Variants in BEND2 observed in about 807,000 individuals in gnomAD.
BEND2 encodes the protein BEN domain containing 2.
A neutral mutation model predicts 43.8 loss-of-function variants in BEND2; 19 were observed. That is an observed-to-expected ratio of 0.43 (90% CI 0.30 to 0.64). The LOEUF is 0.64. Among genes scored for constraint, BEND2 ranks in the 30% least tolerant of loss-of-function variants. The probability of loss-of-function intolerance (pLI) is 0.11; values close to 1 mark genes in which losing one functional copy is unlikely to be tolerated. For synonymous variants in BEND2, 226 were observed against 210.1 expected, an observed-to-expected ratio of 1.08 and a Z score of -0.66; for missense variants, 544 against 574.0, an observed-to-expected ratio of 0.95 and a Z score of 0.53.
chrX:18,203,632 A>G lies in BEND2; in HGVS notation c.776T>C (p.Met259Thr). The change falls in exon 5 of 14, where the codon ATG becomes ACG. Residue 259 changes from methionine to threonine, a missense_variant. By Grantham distance (81) the Met-to-Thr change is moderately conservative. This residue lies in a region of BEND2 where 501 missense variants were observed against 501.6 expected (regional missense o/e 1.00). Coordinates refer to ENST00000380033, the MANE Select transcript of BEND2 (RefSeq NM_153346.5). ...SFANATTAVP[M>T]AVLSRRESSL... is the part of the protein sequence containing the mutation. The stretch of plus-strand genomic sequence containing the variant: ...GGATTCTCTTCGTGACAGAACTGCC[A>G]TAGGTACTGCTGTAGTAGCATTGGC... 2 of 1,211,680 alleles carry G rather than the reference A, an allele frequency of 1.7e-6. No homozygotes were observed. The highest frequency in any genetic ancestry group is 2.3e-4 in the Middle Eastern group (1 of 4,355).
intron 4 of BEND2, among the ~76,000 whole-genome samples, chrX:18,208,505 AT>A (rs1925410814): frequency 1.8e-5 from 2 of 111,163 alleles, no homozygotes; most frequent in Non-Finnish European, 3.8e-5. Flanking sequence ...TATATAAAAA[AT>A]AAGTAGTCAA....
At chrX:18,177,936 C>A (rs952743518) in intron 9 of BEND2, among the ~76,000 whole-genome samples, 167 bp from the exon 10 acceptor site, 3 of 111,570 alleles carry the variant, frequency 2.7e-5, no homozygotes, top group Admixed American at 9.5e-5. Flanking sequence ...AATTTTTTTT[C>A]TATGCTTATC....
intron 7 of BEND2, among the ~76,000 whole-genome samples, chrX:18,192,848 G>C (rs1257201677): frequency 8.0e-5 from 9 of 111,889 alleles, no homozygotes; most frequent in Non-Finnish European, 1.5e-4. Context: ...GGTTATTAAA[G>C]AGCAAGATGG....
Position 18,186,817 on chromosome X carries a change from G to A in BEND2, c.1288+4184C>T, listed in dbSNP as rs1282195155. On this transcript the variant is annotated intron_variant, in intron 8 of 13. Transcript: ENST00000380033. ...CCTATCACTACAAAAAATACAAAAA[G>A]TTTTCCGGGTATGGGGACACGTGCC... 1.2e-4 allele frequency among the ~76,000 whole-genome samples: 13 copies of A among 108,807 alleles called. 1 individual carries two copies. In the Admixed American group the frequency reaches 1.3e-3, roughly 11 times the overall value. 94.5% of individuals were successfully genotyped at this position (108,807 alleles called of 115,157 possible).
At position 18,201,423 on chromosome X, in the gene BEND2, A is replaced by C. The variant is rs560561315; in HGVS notation, c.1033+392T>G. Among the ~76,000 whole-genome samples the C allele has an allele frequency of 3.2e-4, 26 of 81,726 alleles. No individual in the cohort carries two copies. In the South Asian group the frequency reaches 9.0e-3, roughly 28 times the overall value. The allele number at this position is 81,726 out of a possible 115,157, so 71.0% of individuals were successfully genotyped here. Reference sequence around the variant, plus strand: ...AAAAAAAAAAAAAAAAAAAACAAAAAAAAAAAAACTGGTGGATCAAGGTTA... The same window carrying C: ...AAAAAAAAAAAAAAAAAAAACAAAACAAAAAAAACTGGTGGATCAAGGTTA... On this transcript the variant is annotated intron_variant, in intron 6 of 13. Transcript: ENST00000380033.
At chrX:18,171,270 C>T in intron 12 of BEND2, 66 bp from the exon 13 acceptor site, 1 of 1,078,187 alleles carries the variant, frequency 9.3e-7, no homozygotes, top group Admixed American at 2.7e-5. Context: ...TTTTTAAAAG[C>T]TGAAACAGAA....
rs891560984 is a variant in BEND2 at position 18,191,385 on chromosome X, C to T, written c.1181-277G>A. Among the ~76,000 whole-genome samples, 6 of 111,585 alleles carry T rather than the reference C, an allele frequency of 5.4e-5. No homozygotes were observed. The East Asian group carries it at 8.5e-4, about 16-fold the overall frequency. On this transcript the variant is annotated intron_variant, in intron 7 of 13. Transcript: ENST00000380033. ...ACAACAGAAAGAGCAGAAATATGGG[C>T]GTGGAGAAACTAGGTCACTCACATG...
intron 4 of BEND2, among the ~76,000 whole-genome samples, chrX:18,211,108 C>T (rs1187536372): frequency 9.0e-5 from 10 of 111,243 alleles, no homozygotes; most frequent in Admixed American, 9.6e-5. Flanking sequence ...AGCATTATCC[C>T]CAAAAATGAA....
chrX:18,196,509 T>C (rs777143001), intron 6 of BEND2, among the ~76,000 whole-genome samples: 1 of 109,529 alleles, frequency 9.1e-6, no homozygotes, highest in East Asian at 2.9e-4. Flanking sequence ...AAAACCAGTA[T>C]AGGAATGTTC....
intron 12 of BEND2, among the ~76,000 whole-genome samples, 200 bp from the exon 13 acceptor site, chrX:18,171,404 C>G (rs1479601685): frequency 8.9e-6 from 1 of 111,838 alleles, no homozygotes; most frequent in Non-Finnish European, 1.9e-5. Context: ...TGCAGTAGCA[C>G]AATCATGGCT....
Position 18,165,149 on chromosome X carries a change from T to G in BEND2, c.2260A>C (p.Ile754Leu), listed in dbSNP as rs1337138934. The G allele has an allele frequency of 8.3e-7, 1 of 1,208,285 alleles. No individual in the cohort carries two copies. The highest frequency in any genetic ancestry group is 1.8e-5 in the African/African-American group (1 of 56,920). The part of the protein sequence containing the change: ...GRDWKSCVTS[I>L]NSGIRSLRHD... ...CTAAGGCTACGGATACCGCTGTTGATGGAGGTCACACACGACTTCCAGTCT... is the reference window on the plus strand; with the variant it reads ...CTAAGGCTACGGATACCGCTGTTGAGGGAGGTCACACACGACTTCCAGTCT... Residue 754 changes from isoleucine (I) to leucine (L), a missense_variant, in exon 14 of 14, where the codon ATC becomes CTC. Transcript: ENST00000380033.
chrX:18,197,214 C>T (rs935037169), intron 6 of BEND2, among the ~76,000 whole-genome samples: 3 of 111,822 alleles, frequency 2.7e-5, no homozygotes, highest in Non-Finnish European at 3.8e-5. Flanking sequence ...GAGGGTAGAT[C>T]ACCTAAGGTC....
chrX:18,179,989 C>T (rs1924323774), intron 9 of BEND2, among the ~76,000 whole-genome samples: 1 of 112,216 alleles, frequency 8.9e-6, no homozygotes, highest in African/African-American at 3.2e-5. Context: ...ACAGCCTGGC[C>T]AAAATGGCCA....
chrX:18,215,591 C>T (rs2147438633), intron 2 of BEND2, among the ~76,000 whole-genome samples: 1 of 111,648 alleles, frequency 9.0e-6, no homozygotes, highest in South Asian at 3.8e-4. Context: ...ATAGGAAATT[C>T]AAATTTCAAT....
intron 7 of BEND2, among the ~76,000 whole-genome samples, chrX:18,194,270 T>C (rs1266417099): frequency 8.9e-6 from 1 of 111,846 alleles, no homozygotes; most frequent in Non-Finnish European, 1.9e-5. Context: ...AATTGTTCTC[T>C]TGGCATTCAT....
At chrX:18,177,259 CTTTT>C (rs3082649) in intron 10 of BEND2, among the ~76,000 whole-genome samples, 3 of 56,227 alleles carry the variant, frequency 5.3e-5, no homozygotes, top group Non-Finnish European at 6.2e-5. Context: ...GAGCTTTTTC[CTTTT>C]TTTTTTTTTT....
rs375594086 is a variant in BEND2 at position 18,176,041 on chromosome X, G to A, written c.1683C>T (p.Asp561=). The A allele has an allele frequency of 9.1e-5, 109 of 1,200,714 alleles. No individual in the cohort carries two copies. Among genetic ancestry groups the A allele is most frequent in the Non-Finnish European group, 1.2e-4 (105 of 890,086 alleles). ...TGATACCAGAAATACAGTCCTGCCAGTCTTTTCCATGTTCATGCAAATCAC... is the reference window on the plus strand; with the variant it reads ...TGATACCAGAAATACAGTCCTGCCAATCTTTTCCATGTTCATGCAAATCAC... The part of the protein sequence containing the change: ...PTCDLHEHGK[D]WQDCISGINS... Residue 561 remains aspartate, a synonymous_variant, in exon 11 of 14, where the codon GAC becomes GAT. Coordinates refer to ENST00000380033, the MANE Select transcript of BEND2 (RefSeq NM_153346.5).
chrX:18,209,001 C>G (rs1925426225), intron 4 of BEND2, among the ~76,000 whole-genome samples: 1 of 110,964 alleles, frequency 9.0e-6, no homozygotes, highest in Admixed American at 9.7e-5. Context: ...CCTAGACTAT[C>G]TTGTGATGTC....
At chrX:18,186,538 T>G (rs1460556371) in intron 8 of BEND2, among the ~76,000 whole-genome samples, 2 of 109,035 alleles carry the variant, frequency 1.8e-5, no homozygotes, top group Admixed American at 2.0e-4. Flanking sequence ...TAAGTTAAAG[T>G]GTAGAGTTTT....
Sources: allele counts gnomAD v4.1 joint callset (sites outside exome capture counted in the v4.1 genomes callset), GRCh38; gene constraint gnomAD v4.1.1; regional missense constraint gnomAD v4.1.1; transcripts MANE v1.5; gene names NCBI Gene and HGNC (gene_info 2026-07-23, HGNC 2026-07-21).